Variants in SLC6A17 observed in about 807,000 individuals in gnomAD.
SLC6A17 encodes the protein solute carrier family 6 member 17, also known as sodium-dependent neutral amino acid transporter SLC6A17.
Under a neutral mutation model 64.5 loss-of-function variants are expected in SLC6A17, and 21 were observed. That is an observed-to-expected ratio of 0.33 (90% CI 0.23 to 0.47). The LOEUF (loss-of-function observed/expected upper bound fraction) is 0.47. SLC6A17 is among the 20% of genes least tolerant of loss of function. The pLI, the probability that SLC6A17 is intolerant of heterozygous loss-of-function variation, is 1.00. For synonymous variants in SLC6A17, 372 were observed against 399.5 expected (o/e 0.93, Z 0.82); for missense variants, 682 against 963.2 (o/e 0.71, Z 3.86).
intron 1 of SLC6A17, 120 bp downstream of exon 1, chr1:110,151,003 G>GC (rs1305045396): frequency 6.6e-6 from 1 of 152,236 alleles, no homozygotes; most frequent in Admixed American, 6.5e-5. Flanking sequence ...CGCTGCCCCC[G>GC]CATCCGCCCG....
At chr1:110,191,879 A>T in intron 6 of SLC6A17, 93 bp from the exon 7 acceptor site, 1 of 1,530,954 alleles carries the variant, frequency 6.5e-7, no homozygotes, top group Non-Finnish European at 8.8e-7. Flanking sequence ...CTGCCTCTGA[A>T]CTCTGTTGAG....
chr1:110,198,727 G>T lies in SLC6A17; in HGVS notation c.*283G>T, dbSNP rs2603580. The T allele has an allele frequency of 0.61, 226,793 of 374,658 alleles. 70,930 individuals are homozygous for T. Among genetic ancestry groups the T allele is most frequent in the African/African-American group, 0.79 (38,449 of 48,956 alleles). 23.2% of individuals were successfully genotyped at this position (374,658 alleles called of 1,614,324 possible). A position where few individuals can be genotyped will look rare whatever the true frequency, so the allele number is the denominator to read the frequency against. ...CCATGTAATTGGAACAACCCATAAG[G>T]CCTGCTTCCCAGTCCATGGGAGATT... is the stretch of plus-strand genomic sequence containing the variant. On this transcript the variant is annotated 3_prime_UTR_variant, in exon 12 of 12. Coordinates refer to ENST00000331565, the MANE Select transcript of SLC6A17 (RefSeq NM_001010898.4).
Position 110,194,623 on chromosome 1 carries a change from C to T in SLC6A17, c.1344C>T (p.Ala448=), listed in dbSNP as rs1355931839. Residue 448 remains alanine (A), a synonymous_variant, in exon 9 of 12, where the codon GCC becomes GCT. Transcript: ENST00000331565. The part of the protein sequence containing the change: ...TGLAFIAFTE[A]MTHFPASPFW... Reference sequence around the variant, plus strand: ...TGGCCTTCATCGCCTTCACTGAGGCCATGACGCACTTCCCCGCCTCCCCGT... The same window carrying T: ...TGGCCTTCATCGCCTTCACTGAGGCTATGACGCACTTCCCCGCCTCCCCGT... 1 of 1,614,194 alleles carries T rather than the reference C, an allele frequency of 6.2e-7. No homozygotes were observed. The highest frequency in any genetic ancestry group is 2.2e-5 in the East Asian group (1 of 44,882).
At chr1:110,194,867 A>C (rs561177612) in intron 9 of SLC6A17, 96 bp downstream of exon 9, 2 of 1,452,818 alleles carry the variant, frequency 1.4e-6, no homozygotes, top group East Asian at 2.4e-5. Flanking sequence ...ATGACCCCAC[A>C]CCCAGAAGGC....
At chr1:110,185,125 C>T (rs984853014) in intron 6 of SLC6A17, among the ~76,000 whole-genome samples, 1 of 152,186 alleles carries the variant, frequency 6.6e-6, no homozygotes, top group Admixed American at 6.5e-5. Context: ...CGATCTGGTT[C>T]AGACTCTACC....
At chr1:110,188,694 GA>G (rs1262087039) in intron 6 of SLC6A17, among the ~76,000 whole-genome samples, 3 of 152,228 alleles carry the variant, frequency 2.0e-5, no homozygotes, top group Admixed American at 2.0e-4. Flanking sequence ...ACACTCCATT[GA>G]AAACAAAAAC....
At chr1:110,159,898 A>G (rs1220778346) in intron 1 of SLC6A17, among the ~76,000 whole-genome samples, 1 of 152,226 alleles carries the variant, frequency 6.6e-6, no homozygotes, top group African/African-American at 2.4e-5. Flanking sequence ...CACTCATTCA[A>G]TTCCATCATA....
rs767058043 is a variant in SLC6A17, at chr1:110,172,189, T to TG, written c.422dup (p.Ile142HisfsTer17). Reference sequence around the variant, plus strand: ...GTGTGGCACTATATATGTCCCCGCCTGGGGGGCATCGGCTTCTCCAGCTGC... The same window carrying TG: ...GTGTGGCACTATATATGTCCCCGCCTGGGGGGGCATCGGCTTCTCCAGCTGC... On this transcript the variant is annotated frameshift_variant, in exon 3 of 12. Transcript: ENST00000331565. LOFTEE classifies it high-confidence loss of function. 1 of 1,604,298 alleles carries TG rather than the reference T, an allele frequency of 6.2e-7. No homozygotes were observed. Among genetic ancestry groups the TG allele is most frequent in the Non-Finnish European group, 8.5e-7 (1 of 1,175,626 alleles).
intron 1 of SLC6A17, among the ~76,000 whole-genome samples, chr1:110,160,361 C>T (rs1392836009): frequency 6.6e-6 from 1 of 152,246 alleles, no homozygotes; most frequent in African/African-American, 2.4e-5. Context: ...ACATGGCAAG[C>T]AGGTTGTTCT....
At chr1:110,172,271 G>A in intron 3 of SLC6A17, 54 bp downstream of exon 3, 1 of 1,526,432 alleles carries the variant, frequency 6.6e-7, no homozygotes, top group Non-Finnish European at 8.8e-7. Flanking sequence ...CTGCTCCTGG[G>A]CATTGGAGAC....
In SLC6A17 at chr1:110,167,226, G is replaced by C. The variant is rs1446763042; in HGVS notation, c.286+11G>C. 3 of 1,603,056 alleles carry C rather than the reference G, an allele frequency of 1.9e-6. No homozygotes were observed. In the Admixed American group the frequency reaches 5.0e-5, roughly 27 times the overall value. Reference sequence around the variant, plus strand: ...AGAAAAATGGAGGAGGTAAGAGACAGCTCTGCCTGCATCAGGGGTCCCCTG... The same window carrying C: ...AGAAAAATGGAGGAGGTAAGAGACACCTCTGCCTGCATCAGGGGTCCCCTG... On this transcript the variant is annotated intron_variant, in intron 2 of 11. Transcript: ENST00000331565.
intron 1 of SLC6A17, among the ~76,000 whole-genome samples, chr1:110,163,625 C>G (rs917203510): frequency 2.2e-4 from 34 of 152,258 alleles, no homozygotes; most frequent in African/African-American, 7.9e-4. Context: ...CAAGAGCACA[C>G]AGCTAGTGTG....
chr1:110,161,371 T>C (rs996308109), intron 1 of SLC6A17, among the ~76,000 whole-genome samples: 2 of 152,144 alleles, frequency 1.3e-5, no homozygotes, highest in African/African-American at 4.8e-5. Flanking sequence ...TTTGAGGTCC[T>C]GAGTGGGGAC....
In SLC6A17 at chr1:110,176,469, G is replaced by A. The variant is rs183614306; in HGVS notation, c.754-160G>A. Among the ~76,000 whole-genome samples the A allele has an allele frequency of 1.1e-3, 165 of 152,278 alleles. 2 individuals carry two copies. Among genetic ancestry groups the A allele is most frequent in the African/African-American group, 3.8e-3 (157 of 41,554 alleles). The stretch of plus-strand genomic sequence containing the variant: ...GTTCCTGCTTCTGCCTTGGCTCCAT[G>A]CCAGATGTGTGGCAGTTTTGGCCCT... On this transcript the variant is annotated intron_variant, in intron 5 of 11. Transcript: ENST00000331565.
At chr1:110,153,523 G>GTGTGTGTGTGTGTGTGTGTGTA (rs1453718756) in intron 1 of SLC6A17, among the ~76,000 whole-genome samples, 1 of 150,808 alleles carries the variant, frequency 6.6e-6, no homozygotes, top group African/African-American at 2.4e-5. Context: ...CTGGAAATGT[G>GTGTGTGTGTGTGTGTGTGTGTA]TGTGTGTGTG....
chr1:110,157,924 A>G (rs1404358706), intron 1 of SLC6A17, among the ~76,000 whole-genome samples: 2 of 152,128 alleles, frequency 1.3e-5, no homozygotes, highest in Non-Finnish European at 2.9e-5. Context: ...TGAAGTCTTT[A>G]TGTCACCTTA....
chr1:110,170,102 A>G (rs994272027), intron 2 of SLC6A17, among the ~76,000 whole-genome samples: 3 of 152,130 alleles, frequency 2.0e-5, no homozygotes, highest in Admixed American at 1.3e-4. Context: ...AGAGGCATCC[A>G]TAGAAGGTGC....
At position 110,182,770 on chromosome 1, in the gene SLC6A17, A is replaced by C. The variant is rs914305625; in HGVS notation, c.864+6031A>C. ...CTGAGAATTGACCGAGGCACTTGGC[A>C]ACAGAGGGGTCACTAGTGACCTCAA... On this transcript the variant is annotated intron_variant, in intron 6 of 11. Transcript: ENST00000331565. 3.3e-5 allele frequency among the ~76,000 whole-genome samples: 5 copies of C among 152,126 alleles called. No homozygotes were observed. The East Asian group carries it at 5.8e-4, about 18-fold the overall frequency.
At chr1:110,177,029 C>T (rs537781559) in intron 6 of SLC6A17, among the ~76,000 whole-genome samples, 10 of 152,282 alleles carry the variant, frequency 6.6e-5, no homozygotes, top group African/African-American at 2.4e-4. Flanking sequence ...TGCCATAGGA[C>T]ATTATAATCA....
Sources: allele counts gnomAD v4.1 joint callset (sites outside exome capture counted in the v4.1 genomes callset), GRCh38; gene constraint gnomAD v4.1.1; transcripts MANE v1.5; gene names NCBI Gene and HGNC (gene_info 2026-07-23, HGNC 2026-07-21).